Variants in IKZF3 observed in about 807,000 individuals in gnomAD.
The protein encoded by IKZF3 is zinc finger protein Aiolos.
A neutral mutation model predicts 49.0 loss-of-function variants in IKZF3; 10 were observed. The observed-to-expected ratio is 0.20, with a 90% CI of 0.13 to 0.35. The LOEUF is 0.35. Ranked by LOEUF, IKZF3 falls within the 10% of genes least tolerant of loss-of-function variation. The pLI is 1.00. For missense variants in IKZF3, 498 were observed against 664.8 expected, an observed-to-expected ratio of 0.75 and a Z score of 2.76; for synonymous variants, 209 against 228.2, an observed-to-expected ratio of 0.92 and a Z score of 0.76.
chr17:39,826,932 C>T (rs1203190882), intron 3 of IKZF3, among the ~76,000 whole-genome samples: 1 of 152,246 alleles, frequency 6.6e-6, no homozygotes, highest in African/African-American at 2.4e-5. Flanking sequence ...AGACCCCACA[C>T]ATAGTTGGCA....
chr17:39,807,108 C>T (rs2061446157), intron 3 of IKZF3, among the ~76,000 whole-genome samples: 1 of 152,150 alleles, frequency 6.6e-6, no homozygotes, highest in Non-Finnish European at 1.5e-5. Flanking sequence ...AAGCAGAGGA[C>T]CCAGATATGC....
chr17:39,839,916 C>T (rs1224002612), intron 1 of IKZF3, among the ~76,000 whole-genome samples: 1 of 152,188 alleles, frequency 6.6e-6, no homozygotes, highest in African/African-American at 2.4e-5. Flanking sequence ...CCGCCTTGGC[C>T]TCCCAAAGTG....
intron 2 of IKZF3, 83 bp downstream of exon 2, chr17:39,832,015 G>T: frequency 3.0e-6 from 3 of 999,974 alleles, no homozygotes; most frequent in African/African-American, 1.7e-5. Context: ...CATTTTTACT[G>T]CAACCAGAAT....
chr17:39,807,544 ATTTT>A (rs890371023), intron 3 of IKZF3, among the ~76,000 whole-genome samples: 11 of 80,784 alleles, frequency 1.4e-4, no homozygotes, highest in African/African-American at 5.1e-4. Context: ...GACTATTTAA[ATTTT>A]TTTTTTTTTT....
intron 1 of IKZF3, among the ~76,000 whole-genome samples, chr17:39,841,034 A>C (rs1295256077): frequency 6.6e-6 from 1 of 152,110 alleles, no homozygotes; most frequent in African/African-American, 2.4e-5. Flanking sequence ...AAAATTAGCC[A>C]GGCATGTTGG....
chr17:39,780,388 G>T (rs2143759539), intron 6 of IKZF3, among the ~76,000 whole-genome samples: 1 of 151,982 alleles, frequency 6.6e-6, no homozygotes, highest in Non-Finnish European at 1.5e-5. Context: ...TTTGAAACAG[G>T]GTCTCAACTC....
chr17:39,834,273 G>T (rs1302934165), intron 1 of IKZF3, among the ~76,000 whole-genome samples: 2 of 152,300 alleles, frequency 1.3e-5, no homozygotes, highest in South Asian at 2.1e-4. Flanking sequence ...ACTAGAACTT[G>T]TTCAAAAGTG....
At chr17:39,794,116 C>T (rs1444149699) in intron 3 of IKZF3, among the ~76,000 whole-genome samples, 1 of 152,178 alleles carries the variant, frequency 6.6e-6, no homozygotes, top group Non-Finnish European at 1.5e-5. Context: ...ATCCAACCCT[C>T]TTGTTTCTCA....
chr17:39,803,768 C>A (rs1256342367), intron 3 of IKZF3, among the ~76,000 whole-genome samples: 1 of 152,180 alleles, frequency 6.6e-6, no homozygotes, highest in Non-Finnish European at 1.5e-5. Context: ...CCACCTCGGC[C>A]TCCCAAAGTG....
chr17:39,765,241 G>T lies in IKZF3; in HGVS notation c.*549C>A, dbSNP rs1449417182. ...ATAGGAAATGGATCTGATGCTTGGA[G>T]AATGGGGTCTTCAGTTACTCGTAAC... On this transcript the variant is annotated 3_prime_UTR_variant, in exon 8 of 8. Transcript: ENST00000346872. 1.3e-5 allele frequency: 2 copies of T among 152,450 alleles called. No individual in the cohort carries two copies. Among genetic ancestry groups the T allele is most frequent in the African/African-American group, 2.4e-5 (1 of 41,446 alleles). 9.4% of individuals were successfully genotyped at this position (152,450 alleles called of 1,614,324 possible).
Position 39,760,279 on chromosome 17 carries a change from C to T in IKZF3, c.*5511G>A, listed in dbSNP as rs2060152246. On this transcript the variant is annotated 3_prime_UTR_variant, in exon 8 of 8. Coordinates refer to ENST00000346872, the MANE Select transcript of IKZF3 (RefSeq NM_012481.5). ...TCAAGCAATTCTCCTGCGTCAGCCT[C>T]CCGAGTAGCTGGGATTACAGGTGTG... is the stretch of plus-strand genomic sequence containing the variant. 1 of 151,568 alleles carries T rather than the reference C, an allele frequency of 6.6e-6. No individual in the cohort carries two copies. Among genetic ancestry groups the T allele is most frequent in the Non-Finnish European group, 1.5e-5 (1 of 68,010 alleles). The allele number at this position is 151,568 out of a possible 1,614,324, so 9.4% of individuals were successfully genotyped here.
intron 3 of IKZF3, among the ~76,000 whole-genome samples, chr17:39,824,718 C>T (rs576818410): frequency 1.0e-3 from 150 of 149,312 alleles, no homozygotes; most frequent in Middle Eastern, 6.9e-3. Flanking sequence ...CCTTTTGAGA[C>T]GGAGTCTCGC....
At chr17:39,773,754 C>T (rs1026688373) in intron 7 of IKZF3, among the ~76,000 whole-genome samples, 2 of 152,078 alleles carry the variant, frequency 1.3e-5, no homozygotes, top group African/African-American at 4.8e-5. Flanking sequence ...CCATTTTGAG[C>T]CAAGTATTTG....
At chr17:39,848,625 T>A (rs570252998) in intron 1 of IKZF3, among the ~76,000 whole-genome samples, 1 of 152,238 alleles carries the variant, frequency 6.6e-6, no homozygotes, top group South Asian at 2.1e-4. Context: ...GTTGAAACAA[T>A]CAAACTTCTA....
intron 2 of IKZF3, among the ~76,000 whole-genome samples, chr17:39,831,869 A>G (rs1314232038): frequency 1.3e-5 from 2 of 152,196 alleles, no homozygotes; most frequent in African/African-American, 4.8e-5. Context: ...ACAAACAAAC[A>G]AACAGTGATC....
rs1275729630 is a variant in IKZF3 at position 39,791,469 on chromosome 17, T to C, written c.539A>G (p.Asn180Ser). Reference sequence around the variant, plus strand: ...CGCATCTCTTCTTTGGCATGCATAGTTGCAGAGGTGACACTTAAAAGGTTT... The same window carrying C: ...CGCATCTCTTCTTTGGCATGCATAGCTGCAGAGGTGACACTTAAAAGGTTT... ...GEKPFKCHLCNYACQRRDALT... is the reference protein window; with the variant it reads ...GEKPFKCHLCSYACQRRDALT... The change falls in exon 5 of 8, where the codon AAC (asparagine) becomes AGC (serine). Residue 180 changes from asparagine to serine, a missense_variant. Asn to Ser is a conservative substitution (Grantham distance 46). This residue lies in a region of IKZF3 where 84 missense variants were observed against 168.6 expected (regional missense o/e 0.50). Transcript: ENST00000346872. 1.9e-6 allele frequency: 3 copies of C among 1,614,108 alleles called. No homozygotes were observed. The highest frequency in any genetic ancestry group is 1.7e-5 in the Admixed American group (1 of 60,018).
chr17:39,788,828 G>A (rs1267767816), intron 5 of IKZF3, among the ~76,000 whole-genome samples: 1 of 152,216 alleles, frequency 6.6e-6, no homozygotes, highest in Non-Finnish European at 1.5e-5. Context: ...GAAACTGATG[G>A]CCTTTTCAGA....
At chr17:39,854,867 T>C (rs2062992970) in intron 1 of IKZF3, among the ~76,000 whole-genome samples, 2 of 152,110 alleles carry the variant, frequency 1.3e-5, no homozygotes, top group African/African-American at 4.8e-5. Flanking sequence ...AAGATACCAC[T>C]GGAAAGGTAC....
At chr17:39,773,541 C>G (rs2060497288) in intron 7 of IKZF3, among the ~76,000 whole-genome samples, 1 of 152,202 alleles carries the variant, frequency 6.6e-6, no homozygotes, top group Non-Finnish European at 1.5e-5. Flanking sequence ...AACATGTTTA[C>G]CACAGGTGAG....
Sources: allele counts gnomAD v4.1 joint callset (sites outside exome capture counted in the v4.1 genomes callset), GRCh38; gene constraint gnomAD v4.1.1; regional missense constraint gnomAD v4.1.1; transcripts MANE v1.5; gene names NCBI Gene and HGNC (gene_info 2026-07-23, HGNC 2026-07-21).